Variants in MAX observed in about 807,000 individuals in gnomAD.
The protein encoded by MAX is MYC associated transcriptional regulator X.
MAX carries 3 observed loss-of-function variants against 22.3 expected under a neutral mutation model. The ratio of observed to expected loss-of-function variants is 0.13; its 90% CI spans 0.06 to 0.35. MAX has a LOEUF of 0.35. Among genes scored for constraint, MAX ranks in the 10% least tolerant of loss-of-function variants. MAX has a pLI of 1.00. For missense variants in MAX, 119 were observed against 209.4 expected, an observed-to-expected ratio of 0.57 and a Z score of 2.66; for synonymous variants, 72 against 77.7, an observed-to-expected ratio of 0.93 and a Z score of 0.39.
Position 65,079,299 on chromosome 14 carries a change from C to T in MAX, c.172-1263G>A, listed in dbSNP as rs150560326. ...AAGCTGTCGGTGCTTGATGTCAACA[C>T]AGGAAGAGCATGAGATTGGGCCATT... On this transcript the variant is annotated intron_variant, in intron 3 of 4. Coordinates refer to ENST00000358664, the MANE Select transcript of MAX (RefSeq NM_002382.5). This position sits in a 1 kb window ranked among gnomAD's most constrained non-coding sequence, Gnocchi z 4.5. Among the ~76,000 whole-genome samples, 58 of 152,348 alleles carry T rather than the reference C, an allele frequency of 3.8e-4. No individual in the cohort carries two copies. The highest frequency in any genetic ancestry group is 6.8e-4 in the Non-Finnish European group (46 of 68,038).
At chr14:65,099,570 C>A (rs1338684644) in intron 2 of MAX, among the ~76,000 whole-genome samples, 2 of 149,388 alleles carry the variant, frequency 1.3e-5, no homozygotes, top group Admixed American at 1.3e-4. Flanking sequence ...AAAAAAAACA[C>A]AACTTTCTCT....
chr14:65,067,258 T>C (rs914423620), intron 3 of MAX, among the ~76,000 whole-genome samples: 3 of 151,810 alleles, frequency 2.0e-5, no homozygotes, highest in Admixed American at 2.0e-4. Context: ...ATTGCAAAGA[T>C]AGTACACAGA....
chr14:65,047,870 C>G lies in MAX; in HGVS notation c.172-41586G>C, dbSNP rs1337239826. Reference sequence around the variant, plus strand: ...CTGGAGCAGTGCCTGGGCACACAGCCCGAGATGTACACAGCTTTTCCTGGA... The same window carrying G: ...CTGGAGCAGTGCCTGGGCACACAGCGCGAGATGTACACAGCTTTTCCTGGA... On this transcript the variant is annotated intron_variant, in intron 3 of 3. Coordinates refer to the MAX transcript ENST00000341653. The surrounding 1 kb of genome is among the most constrained non-coding windows in gnomAD (Gnocchi z 5.2). Among the ~76,000 whole-genome samples the G allele has an allele frequency of 6.6e-6, 1 of 152,002 alleles. No individual in the cohort carries two copies. Among genetic ancestry groups the G allele is most frequent in the Non-Finnish European group, 1.5e-5 (1 of 68,000 alleles).
chr14:65,101,568 T>C lies in MAX; in HGVS notation c.41A>G (p.Glu14Gly), dbSNP rs876660888. The C allele has an allele frequency of 3.7e-6, 6 of 1,606,850 alleles. No homozygotes were observed. Among genetic ancestry groups the C allele is most frequent in the Non-Finnish European group, 5.1e-6 (6 of 1,174,362 alleles). Reference protein sequence around the residue: ...NDDIEVESDEEQPRFQSAADK... With the variant: ...NDDIEVESDEGQPRFQSAADK... The stretch of plus-strand genomic sequence containing the variant: ...TACCGCAGATTGAAACCTCGGTTGC[T>C]CTTCCTGGAATAAGAGAGAAAAAAA... The change falls in exon 2 of 5, where the codon GAG becomes GGG. Residue 14 changes from glutamate (E) to glycine (G), a missense_variant. Glu to Gly is a moderately conservative substitution (Grantham distance 98, BLOSUM62 -2). Transcript: ENST00000358664.
In MAX at chr14:65,082,193, T is replaced by C. The variant is rs2063215260; in HGVS notation, c.172-4157A>G. 1 of 152,130 alleles carries C rather than the reference T, an allele frequency of 6.6e-6. No individual in the cohort carries two copies. Among genetic ancestry groups the C allele is most frequent in the Non-Finnish European group, 1.5e-5 (1 of 68,024 alleles). The allele number at this position is 152,130 out of a possible 1,614,324, so 9.4% of individuals were successfully genotyped here. A position where few individuals can be genotyped will look rare whatever the true frequency, so the allele number is the denominator to read the frequency against. ...CCAAGCCTCCAGGACACTCATACTT[T>C]GGGAACACAGGGGAAGCTATGGAAC... On this transcript the variant is annotated intron_variant, in intron 3 of 4. Transcript: ENST00000358664. The surrounding 1 kb of genome is among the most constrained non-coding windows in gnomAD (Gnocchi z 4.8).
At chr14:65,039,422 C>T (rs1436911791) in intron 3 of MAX, among the ~76,000 whole-genome samples, 1 of 152,212 alleles carries the variant, frequency 6.6e-6, no homozygotes, top group Non-Finnish European at 1.5e-5. Context: ...ACCTCTGAAA[C>T]TTCCCATCTT....
chr14:65,087,299 A>G (rs117269560), intron 3 of MAX, among the ~76,000 whole-genome samples: 1,705 of 152,306 alleles, frequency 0.011, 12 homozygotes, highest in South Asian at 0.017. Context: ...AGCTGTGAGA[A>G]GAGTGCCACC....
rs1393644643 is a variant in MAX, at chr14:65,012,601, C to G, written c.172-6317G>C. Among the ~76,000 whole-genome samples the G allele has an allele frequency of 3.3e-5, 5 of 152,180 alleles. No individual in the cohort carries two copies. Among genetic ancestry groups the G allele is most frequent in the African/African-American group, 1.2e-4 (5 of 41,442 alleles). On this transcript the variant is annotated intron_variant, in intron 3 of 3. Transcript: ENST00000341653. The surrounding 1 kb of genome is among the most constrained non-coding windows in gnomAD (Gnocchi z 5.0). ...TCTCTTCCAGAGTGAGTGGAGCACC[C>G]TAGATAGGATGGGGCTTTCTTCTGT...
intron 3 of MAX, among the ~76,000 whole-genome samples, chr14:65,080,465 A>G (rs773362086): frequency 2.0e-5 from 3 of 152,202 alleles, no homozygotes; most frequent in African/African-American, 4.8e-5. Flanking sequence ...GATACTGGAG[A>G]TGGAATGAAA....
chr14:65,096,600 T>C (rs2063682273), intron 2 of MAX, among the ~76,000 whole-genome samples: 1 of 152,042 alleles, frequency 6.6e-6, no homozygotes, highest in South Asian at 2.1e-4. Context: ...TGTCTTTGCT[T>C]GCTGGCAACC....
intron 2 of MAX, among the ~76,000 whole-genome samples, chr14:65,097,246 T>C (rs1004432303): frequency 6.6e-6 from 1 of 152,260 alleles, no homozygotes; most frequent in African/African-American, 2.4e-5. Flanking sequence ...ATTATTTTGT[T>C]AGCCAAGAAG....
chr14:65,053,982 C>T (rs1446835693), intron 3 of MAX, among the ~76,000 whole-genome samples: 1 of 152,110 alleles, frequency 6.6e-6, no homozygotes, highest in African/African-American at 2.4e-5. Flanking sequence ...AGAGCCCTTT[C>T]CAGAAGACAG....
chr14:65,075,758 C>T lies in MAX; in HGVS notation c.*718G>A. The T allele has an allele frequency of 7.5e-6, 8 of 1,066,160 alleles. No individual in the cohort carries two copies. In the South Asian group the frequency reaches 1.4e-4, roughly 18 times the overall value. The allele number at this position is 1,066,160 out of a possible 1,614,324, so 66.0% of individuals were successfully genotyped here. A position where few individuals can be genotyped will look rare whatever the true frequency, so the allele number is the denominator to read the frequency against. On this transcript the variant is annotated 3_prime_UTR_variant, in exon 5 of 5. Transcript: ENST00000358664. The surrounding 1 kb of genome is among the most constrained non-coding windows in gnomAD (Gnocchi z 4.1). Reference sequence around the variant, plus strand: ...CTGGTGGCTGCTGCTTCACTGCTGCCATCTCCCATACATACCACGAGAGTG... The same window carrying T: ...CTGGTGGCTGCTGCTTCACTGCTGCTATCTCCCATACATACCACGAGAGTG...
intron 3 of MAX, among the ~76,000 whole-genome samples, chr14:65,091,233 G>A (rs948336436): frequency 6.6e-6 from 1 of 152,170 alleles, no homozygotes; most frequent in Non-Finnish European, 1.5e-5. Flanking sequence ...GCCAGGTTTA[G>A]TGAGAACTGA....
At chr14:65,057,330 G>A (rs2062758411) in intron 3 of MAX, among the ~76,000 whole-genome samples, 1 of 152,202 alleles carries the variant, frequency 6.6e-6, no homozygotes, top group Non-Finnish European at 1.5e-5. Context: ...TTGGGAGGCT[G>A]AGGTGGGAGA....
At chr14:65,060,917 A>G (rs1044207907) in intron 3 of MAX, among the ~76,000 whole-genome samples, 37 of 150,462 alleles carry the variant, frequency 2.5e-4, no homozygotes, top group Non-Finnish European at 8.8e-5. Context: ...AGTATTGTAC[A>G]TACTGTTTTC....
At chr14:65,068,927 G>C (rs2062958731) in intron 3 of MAX, among the ~76,000 whole-genome samples, 1 of 152,178 alleles carries the variant, frequency 6.6e-6, no homozygotes, top group Non-Finnish European at 1.5e-5. Flanking sequence ...GGAGGCAAGG[G>C]GAGGCTGGGC....
chr14:65,021,195 T>G (rs746330307), intron 3 of MAX, among the ~76,000 whole-genome samples: 7 of 152,224 alleles, frequency 4.6e-5, no homozygotes, highest in Non-Finnish European at 8.8e-5. Context: ...GAAAGCAGCT[T>G]CAGTGAAACA....
At chr14:65,049,933 G>A (rs1410976402) in intron 3 of MAX, among the ~76,000 whole-genome samples, 1 of 151,830 alleles carries the variant, frequency 6.6e-6, no homozygotes, top group African/African-American at 2.4e-5. Context: ...AAAGGAAATC[G>A]TGAAGGAAAA....
Sources: gnomAD v4.1 joint callset for allele counts (sites outside exome capture counted in the v4.1 genomes callset) on GRCh38, gnomAD v4.1.1 for gene constraint, Gnocchi (gnomAD v3.1) non-coding constraint, MANE v1.5 for transcripts, NCBI Gene and HGNC (gene_info 2026-07-23, HGNC 2026-07-21) for gene names.